Variants in SEC24D observed in about 807,000 individuals in gnomAD.
The protein encoded by SEC24D is SEC24 homolog D, COPII component, also known as protein transport protein Sec24D.
SEC24D carries 69 observed loss-of-function variants against 116.9 expected under a neutral mutation model. The ratio of observed to expected loss-of-function variants is 0.59; its 90% CI spans 0.49 to 0.72. The LOEUF is 0.72. SEC24D is among the 30% of genes least tolerant of loss of function. The pLI, the probability that SEC24D is intolerant of heterozygous loss-of-function variation, is 0.00. For missense variants in SEC24D, 1,131 were observed against 1,264.1 expected (o/e 0.89, Z 1.60); for synonymous variants, 405 against 442.8 (o/e 0.91, Z 1.07).
chr4:118,785,740 T>C (rs1238305815), intron 8 of SEC24D, among the ~76,000 whole-genome samples: 1 of 152,218 alleles, frequency 6.6e-6, no homozygotes, highest in Admixed American at 6.5e-5. Flanking sequence ...TAAGTCTCTT[T>C]CCCATCTACA....
intron 7 of SEC24D, among the ~76,000 whole-genome samples, chr4:118,802,895 G>C (rs1729508246): frequency 6.6e-6 from 1 of 152,210 alleles, no homozygotes; most frequent in African/African-American, 2.4e-5. Context: ...ATAAAAGACG[G>C]AAAGTTACGT....
At chr4:118,767,533 A>G (rs899727485) in intron 9 of SEC24D, among the ~76,000 whole-genome samples, 3 of 152,240 alleles carry the variant, frequency 2.0e-5, no homozygotes, top group Non-Finnish European at 4.4e-5. Flanking sequence ...CTCATTTAAC[A>G]ACAAATAATT....
At chr4:118,770,145 AT>A (rs1475582238) in intron 8 of SEC24D, among the ~76,000 whole-genome samples, 3 of 152,170 alleles carry the variant, frequency 2.0e-5, no homozygotes, top group African/African-American at 7.2e-5. Context: ...AGCAGAATGG[AT>A]TTTTAAAACA....
chr4:118,783,209 G>A (rs932451694), intron 8 of SEC24D, among the ~76,000 whole-genome samples: 3 of 152,176 alleles, frequency 2.0e-5, no homozygotes, highest in Admixed American at 1.3e-4. Flanking sequence ...AGCTGCAGAC[G>A]GGAGCTGTTC....
chr4:118,779,343 T>G (rs1728291737), intron 8 of SEC24D, among the ~76,000 whole-genome samples: 1 of 152,240 alleles, frequency 6.6e-6, no homozygotes, highest in Non-Finnish European at 1.5e-5. Flanking sequence ...AGGCCTTTTC[T>G]GCGTCTATTG....
At chr4:118,777,583 GTC>G (rs1267022443) in intron 8 of SEC24D, among the ~76,000 whole-genome samples, 1 of 152,202 alleles carries the variant, frequency 6.6e-6, no homozygotes, top group Non-Finnish European at 1.5e-5. Flanking sequence ...ATGTGCATGT[GTC>G]TTTATAGCAG....
intron 1 of SEC24D, 123 bp from the exon 2 acceptor site, chr4:118,833,860 A>G: frequency 1.8e-6 from 1 of 562,356 alleles, no homozygotes; most frequent in South Asian, 2.2e-5. Flanking sequence ...TATCAGGTAC[A>G]TGAGAAATCT....
intron 13 of SEC24D, among the ~76,000 whole-genome samples, chr4:118,747,164 G>T (rs1431630798): frequency 6.6e-6 from 1 of 151,784 alleles, no homozygotes; most frequent in Non-Finnish European, 1.5e-5. Flanking sequence ...GAGCTCCAAT[G>T]ACCAAATCAG....
intron 21 of SEC24D, chr4:118,730,990 C>A: frequency 3.2e-6 from 1 of 308,670 alleles, no homozygotes; most frequent in South Asian, 3.0e-5. Context: ...ATGTTGAGAC[C>A]ATATCCATCT....
chr4:118,762,486 C>T (rs998891150), intron 10 of SEC24D, among the ~76,000 whole-genome samples: 1 of 152,052 alleles, frequency 6.6e-6, no homozygotes, highest in African/African-American at 2.4e-5. Context: ...CAGCTTGGCA[C>T]ATGGTAAATG....
At chr4:118,815,230 C>T (rs1179681817) in intron 5 of SEC24D, 75 bp from the exon 6 acceptor site, 7 of 1,546,008 alleles carry the variant, frequency 4.5e-6, no homozygotes, top group African/African-American at 1.4e-5. Context: ...CGATATTATG[C>T]TGTTCAGTCA....
intron 10 of SEC24D, among the ~76,000 whole-genome samples, chr4:118,763,512 A>G (rs1459910144): frequency 6.6e-6 from 1 of 152,214 alleles, no homozygotes; most frequent in Non-Finnish European, 1.5e-5. Context: ...TCATTTTTAG[A>G]AGAGAAAATA....
chr4:118,739,217 C>G lies in SEC24D; in HGVS notation c.2309G>C (p.Ser770Thr). The G allele has an allele frequency of 3.1e-6, 5 of 1,613,602 alleles. No homozygotes were observed. Among genetic ancestry groups the G allele is most frequent in the African/African-American group, 1.3e-5 (1 of 75,034 alleles). Residue 770 changes from serine to threonine, a missense_variant, in exon 18 of 23, where the codon AGC becomes ACC. Physicochemically the swap from Ser to Thr is moderately conservative, Grantham distance 58. Coordinates refer to ENST00000280551, the MANE Select transcript of SEC24D (RefSeq NM_014822.4). ...LRIHNLGLNC[S>T]SQLADLYKSC... ...CTTATAAAGATCAGCTAGCTGAGAG[C>G]TGCAGTTTAAGCCAAGATTGTGAAT...
intron 3 of SEC24D, among the ~76,000 whole-genome samples, chr4:118,820,847 G>C (rs1246177438): frequency 6.6e-6 from 1 of 152,104 alleles, no homozygotes; most frequent in Non-Finnish European, 1.5e-5. Context: ...CTGAATGTCA[G>C]AGAAGGGCAG....
intron 8 of SEC24D, among the ~76,000 whole-genome samples, chr4:118,792,414 G>A (rs1006845916): frequency 1.3e-5 from 2 of 152,218 alleles, no homozygotes; most frequent in East Asian, 1.9e-4. Flanking sequence ...CATTGAGAAC[G>A]GGCCTAAATG....
At chr4:118,742,658 GTC>G (rs1726288231) in intron 15 of SEC24D, among the ~76,000 whole-genome samples, 1 of 152,244 alleles carries the variant, frequency 6.6e-6, no homozygotes, top group African/African-American at 2.4e-5. Flanking sequence ...TATGTAACTA[GTC>G]TCTATTCATA....
At chr4:118,815,249 G>T in intron 5 of SEC24D, 94 bp from the exon 6 acceptor site, 2 of 1,474,848 alleles carry the variant, frequency 1.4e-6, no homozygotes, top group Non-Finnish European at 1.8e-6. Flanking sequence ...CAAGCATGTT[G>T]TATTTTTCAT....
chr4:118,817,231 G>T lies in SEC24D; in HGVS notation c.397+33C>A, dbSNP rs781678488. The T allele has an allele frequency of 1.4e-5, 21 of 1,550,758 alleles. No homozygotes were observed. The Admixed American group carries it at 2.8e-4, about 21-fold the overall frequency. ...TCATTAAAAATGACCAGGACACAAGGCAGTCAATAAACACTAATAATAAAA... is the reference window on the plus strand; with the variant it reads ...TCATTAAAAATGACCAGGACACAAGTCAGTCAATAAACACTAATAATAAAA... On this transcript the variant is annotated intron_variant, in intron 4 of 22. Coordinates refer to ENST00000280551, the MANE Select transcript of SEC24D (RefSeq NM_014822.4).
chr4:118,768,566 T>C (rs967828731), intron 8 of SEC24D, among the ~76,000 whole-genome samples: 2 of 152,154 alleles, frequency 1.3e-5, no homozygotes, highest in Admixed American at 6.5e-5. Context: ...GGCTAATTTT[T>C]GTATTTTTAG....
Sources: gnomAD v4.1 joint callset for allele counts (sites outside exome capture counted in the v4.1 genomes callset) on GRCh38, gnomAD v4.1.1 for gene constraint, MANE v1.5 for transcripts, NCBI Gene and HGNC (gene_info 2026-07-23, HGNC 2026-07-21) for gene names.